The following SCLT1 variants were observed in gnomAD, a reference collection of about 807,000 sequenced individuals.
SCLT1 encodes the protein sodium channel-associated protein 1.
Under a neutral mutation model 112.8 loss-of-function variants are expected in SCLT1, and 78 were observed. The observed-to-expected ratio is 0.69, with a 90% CI of 0.58 to 0.83. SCLT1 has a LOEUF of 0.83. Among genes scored for constraint, SCLT1 ranks in the 40% least tolerant of loss-of-function variants. The probability of loss-of-function intolerance (pLI) is 0.00; values close to 1 mark genes in which losing one functional copy is unlikely to be tolerated. For missense variants in SCLT1, 747 were observed against 770.4 expected (o/e 0.97, Z 0.36); for synonymous variants, 257 against 254.7 (o/e 1.01, Z -0.09).
chr4:129,064,688 AG>A (rs1437999795), intron 2 of SCLT1, among the ~76,000 whole-genome samples: 15 of 152,274 alleles, frequency 9.9e-5, no homozygotes, highest in African/African-American at 3.6e-4. Flanking sequence ...TCTAATTTTT[AG>A]TATTCTAAGT....
chr4:128,981,955 C>T (rs1257170495), intron 9 of SCLT1, among the ~76,000 whole-genome samples: 1 of 151,972 alleles, frequency 6.6e-6, no homozygotes, highest in African/African-American at 2.4e-5. Flanking sequence ...ACTTTGATAA[C>T]AGTATGAGAA....
chr4:129,052,873 T>C lies in SCLT1; in HGVS notation c.103-8822A>G, dbSNP rs111697855. Among the ~76,000 whole-genome samples the C allele has an allele frequency of 4.7e-3, 717 of 152,330 alleles. 4 individuals are homozygous for C. The highest frequency in any genetic ancestry group is 0.016 in the African/African-American group (657 of 41,576). On this transcript the variant is annotated intron_variant, in intron 2 of 20. Coordinates refer to ENST00000281142, the MANE Select transcript of SCLT1 (RefSeq NM_144643.4). ...TTACTCTTGTGGGCATTTGGTGCTATAAATTTCCCTCTACACACTGTTTAA... is the reference window on the plus strand; with the variant it reads ...TTACTCTTGTGGGCATTTGGTGCTACAAATTTCCCTCTACACACTGTTTAA...
At chr4:129,025,317 C>T (rs1045126167) in intron 5 of SCLT1, among the ~76,000 whole-genome samples, 1 of 152,178 alleles carries the variant, frequency 6.6e-6, no homozygotes, top group Non-Finnish European at 1.5e-5. Context: ...GGGTTACCCA[C>T]AAAGGGAAGC....
At chr4:129,004,574 A>T (rs1743829720) in intron 5 of SCLT1, among the ~76,000 whole-genome samples, 1 of 152,122 alleles carries the variant, frequency 6.6e-6, no homozygotes, top group African/African-American at 2.4e-5. Flanking sequence ...CTTAAGAGAA[A>T]AAAAGTACAT....
At chr4:129,025,384 G>A (rs887360171) in intron 5 of SCLT1, among the ~76,000 whole-genome samples, 1 of 152,114 alleles carries the variant, frequency 6.6e-6, no homozygotes, top group African/African-American at 2.4e-5. Context: ...AAGAGAGTGG[G>A]GGCCAATATT....
chr4:128,950,078 TAAGA>T (rs1738588168), intron 14 of SCLT1, among the ~76,000 whole-genome samples: 1 of 152,176 alleles, frequency 6.6e-6, no homozygotes, highest in African/African-American at 2.4e-5. Context: ...TATCTTTTAT[TAAGA>T]TAGAACCCTG....
chr4:129,037,808 G>T (rs1167255480), intron 5 of SCLT1: 4 of 152,140 alleles, frequency 2.6e-5, no homozygotes, highest in Non-Finnish European at 5.9e-5. Flanking sequence ...AAGATAAGTA[G>T]AAATGGGGAA....
At chr4:129,032,880 T>C (rs1360507636) in intron 5 of SCLT1, among the ~76,000 whole-genome samples, 1 of 152,188 alleles carries the variant, frequency 6.6e-6, no homozygotes. Context: ...TTTACACTGT[T>C]GGTGGGAGTG....
chr4:129,044,060 G>T lies in SCLT1; in HGVS notation c.103-9C>A, dbSNP rs761127088. ...CCTTGGCAGACAGCTTTCTATAAAA[G>T]AATGTACATCTTAAAATGTGTTCTC... is the stretch of plus-strand genomic sequence containing the variant. On this transcript the variant is annotated splice_polypyrimidine_tract_variant and intron_variant, in intron 2 of 20. Transcript: ENST00000281142. The T allele has an allele frequency of 1.3e-6, 2 of 1,495,398 alleles. No individual in the cohort carries two copies. The highest frequency in any genetic ancestry group is 2.3e-5 in the South Asian group (2 of 85,394). 92.6% of individuals were successfully genotyped at this position (1,495,398 alleles called of 1,614,324 possible). A position where few individuals can be genotyped will look rare whatever the true frequency, so the allele number is the denominator to read the frequency against.
intron 18 of SCLT1, among the ~76,000 whole-genome samples, chr4:128,912,147 T>C (rs920721016): frequency 1.3e-5 from 2 of 152,182 alleles, no homozygotes; most frequent in Admixed American, 6.5e-5. Flanking sequence ...GTCAAATGCA[T>C]CAAACAAGCC....
At chr4:128,997,473 C>T (rs1436006349) in intron 8 of SCLT1, among the ~76,000 whole-genome samples, 2 of 151,848 alleles carry the variant, frequency 1.3e-5, no homozygotes, top group Non-Finnish European at 2.9e-5. Flanking sequence ...GAGTACCATA[C>T]CAACACATGG....
chr4:129,079,508 T>C (rs1028639336), intron 2 of SCLT1, among the ~76,000 whole-genome samples: 2 of 152,200 alleles, frequency 1.3e-5, no homozygotes, highest in Non-Finnish European at 2.9e-5. Flanking sequence ...TTTGACTCCA[T>C]GTCTCACATC....
At chr4:128,915,868 T>C (rs1735434437) in intron 18 of SCLT1, among the ~76,000 whole-genome samples, 1 of 152,214 alleles carries the variant, frequency 6.6e-6, no homozygotes, top group Non-Finnish European at 1.5e-5. Context: ...TTAAAACATG[T>C]AATGAAACAA....
chr4:128,883,334 A>C (rs1256617536), downstream of SCLT1, among the ~76,000 whole-genome samples: 4 of 151,992 alleles, frequency 2.6e-5, no homozygotes, highest in East Asian at 5.8e-4. Context: ...CCCCAAGGGA[A>C]GCTCTTCCAC....
intron 11 of SCLT1, among the ~76,000 whole-genome samples, chr4:128,962,417 A>G (rs945505877): frequency 2.3e-4 from 35 of 152,176 alleles, no homozygotes; most frequent in African/African-American, 8.4e-4. Flanking sequence ...CCACTCAAAT[A>G]TCTGCCTCAA....
At chr4:128,891,636 T>C (rs891795705) in intron 18 of SCLT1, among the ~76,000 whole-genome samples, 7 of 148,788 alleles carry the variant, frequency 4.7e-5, no homozygotes, top group South Asian at 2.1e-4. Context: ...TTCTTAGCTA[T>C]AATATGCTTT....
chr4:129,020,123 T>A (rs905166758), intron 5 of SCLT1, among the ~76,000 whole-genome samples: 2 of 152,212 alleles, frequency 1.3e-5, no homozygotes, highest in Admixed American at 1.3e-4. Flanking sequence ...CCTGAATGTA[T>A]TAGACATATA....
intron 2 of SCLT1, among the ~76,000 whole-genome samples, chr4:129,064,751 T>C (rs1236251801): frequency 1.3e-5 from 2 of 152,194 alleles, no homozygotes; most frequent in Non-Finnish European, 2.9e-5. Flanking sequence ...AGTAAGCCAT[T>C]AGAAGCATAC....
In SCLT1 at chr4:128,975,962, G is replaced by A. The variant is rs138669309; in HGVS notation, c.687-5494C>T. Among the ~76,000 whole-genome samples the A allele has an allele frequency of 2.6e-4, 40 of 152,216 alleles. 1 individual carries two copies. The highest frequency in any genetic ancestry group is 8.2e-4 in the African/African-American group (34 of 41,528). ...AAGCAGTGGATATTATAATCCATAC[G>A]CTGAGCTATCAAAACTTTCCAAAAC... On this transcript the variant is annotated intron_variant, in intron 9 of 20. Coordinates refer to ENST00000281142, the MANE Select transcript of SCLT1 (RefSeq NM_144643.4).
Sources: allele counts gnomAD v4.1 joint callset (sites outside exome capture counted in the v4.1 genomes callset), GRCh38; gene constraint gnomAD v4.1.1; transcripts MANE v1.5; gene names NCBI Gene and HGNC (gene_info 2026-07-23, HGNC 2026-07-21).